Variants in FCAR observed in about 807,000 individuals in gnomAD.
FCAR encodes the protein immunoglobulin alpha Fc receptor.
In FCAR, 21 loss-of-function variants were observed where a neutral mutation model predicts 27.1. That is an observed-to-expected ratio of 0.77 (90% CI 0.55 to 1.11). The LOEUF is 1.11. Among genes scored for constraint, FCAR ranks in the 50% most tolerant of loss-of-function variants. The pLI is 0.00. For missense variants in FCAR, 404 were observed against 358.4 expected (o/e 1.13, Z -1.03); for synonymous variants, 134 against 135.8 (o/e 0.99, Z 0.09).
chr19:54,886,148 T>C (rs1321601192), intron 3 of FCAR, among the ~76,000 whole-genome samples: 3 of 151,296 alleles, frequency 2.0e-5, no homozygotes, highest in Non-Finnish European at 4.4e-5. Flanking sequence ...CTTGGGAGGC[T>C]GAGGCAGGAG....
Position 54,891,157 on chromosome 19 carries a change from T to C in FCAR, c.*1294T>C, listed in dbSNP as rs1311533683. On this transcript the variant is annotated 3_prime_UTR_variant, in exon 5 of 5. Coordinates refer to ENST00000355524, the MANE Select transcript of FCAR (RefSeq NM_002000.4). ...CCCCATTCTTTTTTCTTATAAACTT[T>C]CACAGCTTTACCCTTGACAGACTTT... 7 of 152,248 alleles carry C rather than the reference T, an allele frequency of 4.6e-5. No individual in the cohort carries two copies. The highest frequency in any genetic ancestry group is 1.0e-4 in the Non-Finnish European group (7 of 68,030). The allele number at this position is 152,248 out of a possible 1,614,324, so 9.4% of individuals were successfully genotyped here.
At position 54,877,921 on chromosome 19, in the gene FCAR, T is replaced by TG. The variant is rs199868075; in HGVS notation, c.70+2556_70+2557insG. Among the ~76,000 whole-genome samples the TG allele has an allele frequency of 1.6e-3, 239 of 148,136 alleles. 2 individuals are homozygous for TG. The East Asian group carries it at 0.041, about 25-fold the overall frequency. ...CTTTTCTGGATTTGCTAAGGATTGT[T>TG]TTTTTTTTTTTTGAAATGGAGTCTT... is the stretch of plus-strand genomic sequence containing the variant. On this transcript the variant is annotated intron_variant, in intron 2 of 4. Transcript: ENST00000355524.
chr19:54,878,276 A>G (rs2066211855), intron 2 of FCAR, among the ~76,000 whole-genome samples: 1 of 152,184 alleles, frequency 6.6e-6, no homozygotes, highest in South Asian at 2.1e-4. Context: ...GCCATGAGGC[A>G]ATGAAAACAA....
rs1569533242 is a variant in FCAR, at chr19:54,888,027, C to CT, written c.383dup (p.Ser129LeufsTer26). 1.9e-6 allele frequency: 3 copies of CT among 1,613,614 alleles called. No individual in the cohort carries two copies. The highest frequency in any genetic ancestry group is 2.5e-6 in the Non-Finnish European group (3 of 1,179,604). ...CTTAGGCTTGTATGGCAAACCCTTC[C>CT]TCTCTGCAGATCGGGGTCTGGTGTT... On this transcript the variant is annotated frameshift_variant, in exon 4 of 5. Transcript: ENST00000355524. LOFTEE classifies it high-confidence loss of function.
At chr19:54,876,641 C>T (rs930084702) in intron 2 of FCAR, among the ~76,000 whole-genome samples, 2 of 151,996 alleles carry the variant, frequency 1.3e-5, no homozygotes, top group South Asian at 2.1e-4. Flanking sequence ...GTATATTGGC[C>T]GGGCACTGTG....
In FCAR at chr19:54,891,228, G is replaced by T. The variant is rs941958513; in HGVS notation, c.*1365G>T. ...GTCATATGTGGCTCTTTCACTGATT[G>T]CTATTTACTTCATTGTCCAGTAGCT... On this transcript the variant is annotated 3_prime_UTR_variant, in exon 5 of 5. Coordinates refer to ENST00000355524, the MANE Select transcript of FCAR (RefSeq NM_002000.4). 2 of 151,970 alleles carry T rather than the reference G, an allele frequency of 1.3e-5. No homozygotes were observed. The highest frequency in any genetic ancestry group is 4.8e-5 in the African/African-American group (2 of 41,370). The allele number at this position is 151,970 out of a possible 1,614,324, so 9.4% of individuals were successfully genotyped here.
chr19:54,888,491 A>G, intron 4 of FCAR, 197 bp downstream of exon 4: 1 of 1,417,894 alleles, frequency 7.1e-7, no homozygotes. Flanking sequence ...GACAGGGTTC[A>G]TTGAAAACTT....
In FCAR at chr19:54,878,160, G is replaced by A. The variant is rs184284016; in HGVS notation, c.70+2795G>A. ...TCTCGATCTCCTGACCTCATGATCCGCCAGCCTTGGCTTCCCAAAGTGCTG... is the reference window on the plus strand; with the variant it reads ...TCTCGATCTCCTGACCTCATGATCCACCAGCCTTGGCTTCCCAAAGTGCTG... On this transcript the variant is annotated intron_variant, in intron 2 of 4. Transcript: ENST00000355524. Among the ~76,000 whole-genome samples the A allele has an allele frequency of 3.7e-3, 563 of 152,170 alleles. 3 individuals are homozygous for A. Among genetic ancestry groups the A allele is most frequent in the Non-Finnish European group, 5.7e-3 (389 of 67,988 alleles).
intron 2 of FCAR, among the ~76,000 whole-genome samples, chr19:54,882,668 ACCT>A (rs976141724): frequency 4.0e-5 from 6 of 150,078 alleles, no homozygotes; most frequent in African/African-American, 7.4e-5. Context: ...CAAACTCTTG[ACCT>A]CCGGTGATCT....
intron 4 of FCAR, among the ~76,000 whole-genome samples, chr19:54,889,268 G>A (rs2066929090): frequency 2.0e-5 from 3 of 150,370 alleles, no homozygotes; most frequent in African/African-American, 7.3e-5. Flanking sequence ...AGCTACTTGG[G>A]AGGCTGAGGC....
In FCAR at chr19:54,874,252, T is replaced by C. The variant is rs1475743263; in HGVS notation, c.-38T>C. On this transcript the variant is annotated 5_prime_UTR_variant, in exon 1 of 5. Coordinates refer to ENST00000355524, the MANE Select transcript of FCAR (RefSeq NM_002000.4). ...TATCTGTCATCCTGCTAATGTGCATTGAAAGGAGAGCAACGGGGCTGAGGC... is the reference window on the plus strand; with the variant it reads ...TATCTGTCATCCTGCTAATGTGCATCGAAAGGAGAGCAACGGGGCTGAGGC... 1 of 1,613,110 alleles carries C rather than the reference T, an allele frequency of 6.2e-7. No homozygotes were observed. The highest frequency in any genetic ancestry group is 1.7e-5 in the Admixed American group (1 of 59,982).
At chr19:54,885,085 C>T (rs2066627623) in intron 2 of FCAR, 150 bp from the exon 3 acceptor site, 3 of 654,876 alleles carry the variant, frequency 4.6e-6, no homozygotes, top group South Asian at 4.0e-5. Context: ...GGAATACAGG[C>T]GTGAGCTACC....
At chr19:54,888,798 G>A (rs940231928) in intron 4 of FCAR, 15 of 995,660 alleles carry the variant, frequency 1.5e-5, no homozygotes, top group South Asian at 8.9e-5. Flanking sequence ...GAGCCACCGC[G>A]CCTGGCCAGG....
intron 2 of FCAR, among the ~76,000 whole-genome samples, chr19:54,882,423 CTTTTTTTTT>C (rs1201630458): frequency 1.4e-5 from 1 of 69,548 alleles, no homozygotes; most frequent in Non-Finnish European, 3.8e-5. Context: ...TGTGTTGATT[CTTTTTTTTT>C]TTTCTTTTTT....
Position 54,874,297 on chromosome 19 carries a change from C to T in FCAR, c.8C>T (p.Pro3Leu). 1 of 1,613,960 alleles carries T rather than the reference C, an allele frequency of 6.2e-7. No homozygotes were observed. Among genetic ancestry groups the T allele is most frequent in the Non-Finnish European group, 8.5e-7 (1 of 1,179,928 alleles). Residue 3 changes from proline to leucine, a missense_variant, in exon 1 of 5, where the codon CCC becomes CTC. Transcript: ENST00000355524. Reference protein sequence around the residue: MDPKQTTLLCLVL... With the variant: MDLKQTTLLCLVL... Reference sequence around the variant, plus strand: ...TGAGGCCGTGTCAGCACGATGGACCCCAAACAGACCACCCTCCTGTGTCTT... The same window carrying T: ...TGAGGCCGTGTCAGCACGATGGACCTCAAACAGACCACCCTCCTGTGTCTT...
At chr19:54,879,740 A>G (rs1299346516) in intron 2 of FCAR, among the ~76,000 whole-genome samples, 2 of 150,132 alleles carry the variant, frequency 1.3e-5, no homozygotes, top group East Asian at 2.0e-4. Flanking sequence ...CTGGAGTGCA[A>G]TGGCGTGATC....
rs587711440 is a variant in FCAR, at chr19:54,890,022, G to A, written c.*159G>A. The A allele has an allele frequency of 5.7e-4, 347 of 607,960 alleles. 4 individuals carry two copies. In the South Asian group the frequency reaches 6.2e-3, roughly 11 times the overall value. 37.7% of individuals were successfully genotyped at this position (607,960 alleles called of 1,614,324 possible). The stretch of plus-strand genomic sequence containing the variant: ...GTCACCCAGGCTGGAGTGCAGTGGA[G>A]CAATCTCGGCTCATTGAACCTCTTG... On this transcript the variant is annotated 3_prime_UTR_variant, in exon 5 of 5. Coordinates refer to ENST00000355524, the MANE Select transcript of FCAR (RefSeq NM_002000.4).
chr19:54,884,766 C>A (rs1470601055), intron 2 of FCAR, among the ~76,000 whole-genome samples: 1 of 151,360 alleles, frequency 6.6e-6, no homozygotes, highest in Non-Finnish European at 1.5e-5. Context: ...TACTCCAAAC[C>A]TCAGCATCAC....
chr19:54,878,783 G>C (rs1045629483), intron 2 of FCAR, among the ~76,000 whole-genome samples: 4 of 129,000 alleles, frequency 3.1e-5, no homozygotes, highest in Non-Finnish European at 6.4e-5. Flanking sequence ...CCATTTGCTT[G>C]GTAGATTTTT....
Sources: allele counts gnomAD v4.1 joint callset (sites outside exome capture counted in the v4.1 genomes callset), GRCh38; gene constraint gnomAD v4.1.1; transcripts MANE v1.5; gene names NCBI Gene and HGNC (gene_info 2026-07-23, HGNC 2026-07-21).